TMEM273: variants seen among roughly 807,000 people sequenced by gnomAD.
TMEM273 encodes chromosome 10 open reading frame 128.
In TMEM273, 19 loss-of-function variants were observed where a neutral mutation model predicts 17.9. The ratio of observed to expected loss-of-function variants is 1.06; its 90% CI spans 0.74 to 1.55. The LOEUF (loss-of-function observed/expected upper bound fraction) is 1.55. TMEM273 is among the 40% of genes most tolerant of loss of function. The pLI, the probability that TMEM273 is intolerant of heterozygous loss-of-function variation, is 0.00. For missense variants in TMEM273, 194 were observed against 155.6 expected (o/e 1.25, Z -1.31); for synonymous variants, 66 against 62.0 (o/e 1.07, Z -0.31).
chr10:49,157,961 C>T (rs575129227), intron 6 of TMEM273, among the ~76,000 whole-genome samples: 2 of 152,218 alleles, frequency 1.3e-5, no homozygotes, highest in East Asian at 3.9e-4. Flanking sequence ...AGAATAAAAG[C>T]ATTCAACAAG....
Position 49,155,665 on chromosome 10 carries a change from A to T in TMEM273, c.*227T>A. 4.8e-6 allele frequency: 3 copies of T among 625,694 alleles called. No homozygotes were observed. Among genetic ancestry groups the T allele is most frequent in the Non-Finnish European group, 8.2e-6 (3 of 364,018 alleles). 38.8% of individuals were successfully genotyped at this position (625,694 alleles called of 1,614,324 possible). ...TCTTCCACTGCAGGCTAAATTGCTC[A>T]ATCCTTCCTCTGTGCAGTCCGTTTC... On this transcript the variant is annotated 3_prime_UTR_variant, in exon 7 of 7. Transcript: ENST00000374153.
chr10:49,170,275 G>A (rs1846472578), intron 1 of TMEM273, among the ~76,000 whole-genome samples: 2 of 152,164 alleles, frequency 1.3e-5, no homozygotes, highest in Non-Finnish European at 2.9e-5. Flanking sequence ...AAAGGCCCCA[G>A]CCCTGGCCTT....
At chr10:49,185,753 C>T (rs771065569) in intron 1 of TMEM273, among the ~76,000 whole-genome samples, 9 of 151,824 alleles carry the variant, frequency 5.9e-5, no homozygotes, top group African/African-American at 9.7e-5. Flanking sequence ...CCGAGGTGGG[C>T]GGAACACCTG....
intron 6 of TMEM273, among the ~76,000 whole-genome samples, chr10:49,159,490 G>T (rs1273701680): frequency 1.3e-5 from 2 of 152,080 alleles, no homozygotes; most frequent in African/African-American, 4.8e-5. Context: ...GGAAAAGCAG[G>T]GTTTTTACTT....
Position 49,181,869 on chromosome 10 carries a change from C to T in TMEM273, c.43+6425G>A, listed in dbSNP as rs980969393. On this transcript the variant is annotated intron_variant, in intron 1 of 6. Coordinates refer to ENST00000374153, the MANE Select transcript of TMEM273 (RefSeq NM_001288740.3). ...GCAATTAAAATTAAACATTTTTGTTCGTAAAAGACCCTGTTAAGAGAATGA... is the reference window on the plus strand; with the variant it reads ...GCAATTAAAATTAAACATTTTTGTTTGTAAAAGACCCTGTTAAGAGAATGA... 1.5e-3 allele frequency among the ~76,000 whole-genome samples: 225 copies of T among 152,090 alleles called. 1 individual carries two copies. The highest frequency in any genetic ancestry group is 4.1e-3 in the African/African-American group (168 of 41,468).
At chr10:49,168,444 T>C (rs1349728717) in intron 1 of TMEM273, among the ~76,000 whole-genome samples, 1 of 152,152 alleles carries the variant, frequency 6.6e-6, no homozygotes, top group Non-Finnish European at 1.5e-5. Flanking sequence ...GTGTGCTCCG[T>C]AGCCGTGGTG....
At chr10:49,182,951 G>T (rs1018990564) in intron 1 of TMEM273, among the ~76,000 whole-genome samples, 1 of 152,120 alleles carries the variant, frequency 6.6e-6, no homozygotes, top group African/African-American at 2.4e-5. Flanking sequence ...GGGCTATCAG[G>T]CAAACCCCAA....
At chr10:49,173,278 C>T (rs1846706740) in intron 1 of TMEM273, among the ~76,000 whole-genome samples, 1 of 152,224 alleles carries the variant, frequency 6.6e-6, no homozygotes, top group South Asian at 2.1e-4. Context: ...CGGTAACTGT[C>T]ATCTGCAAAC....
intron 1 of TMEM273, among the ~76,000 whole-genome samples, chr10:49,181,071 A>G (rs1432958622): frequency 2.0e-5 from 3 of 152,254 alleles, no homozygotes; most frequent in African/African-American, 4.8e-5. Flanking sequence ...ATACAATAAG[A>G]TTAACATATG....
At chr10:49,185,446 C>G (rs988164559) in intron 1 of TMEM273, among the ~76,000 whole-genome samples, 9 of 151,972 alleles carry the variant, frequency 5.9e-5, no homozygotes, top group African/African-American at 1.9e-4. Flanking sequence ...GGGTGACTGG[C>G]CTGGTCACCC....
intron 1 of TMEM273, 32 bp from the exon 2 acceptor site, chr10:49,167,994 GA>G: frequency 1.2e-6 from 2 of 1,613,422 alleles, no homozygotes; most frequent in Non-Finnish European, 1.7e-6. Flanking sequence ...AGCCTGGTTA[GA>G]ACAGAGCTGG....
intron 1 of TMEM273, among the ~76,000 whole-genome samples, chr10:49,173,509 G>C (rs1249986038): frequency 6.6e-6 from 1 of 152,184 alleles, no homozygotes; most frequent in Non-Finnish European, 1.5e-5. Flanking sequence ...TGTGGAAAGT[G>C]CTTATTTATC....
intron 6 of TMEM273, chr10:49,160,919 G>T (rs1039956292): frequency 9.2e-5 from 14 of 152,168 alleles, no homozygotes; most frequent in African/African-American, 3.4e-4. Flanking sequence ...TCAAGAGATT[G>T]CCCCAGGCCT....
chr10:49,178,090 A>G lies in TMEM273; in HGVS notation c.44-10128T>C, dbSNP rs542210889. 3.6e-4 allele frequency: 152 copies of G among 427,538 alleles called. 1 individual carries two copies. Among genetic ancestry groups the G allele is most frequent in the South Asian group, 2.5e-3 (148 of 59,728 alleles). 26.5% of individuals were successfully genotyped at this position (427,538 alleles called of 1,614,324 possible). A position where few individuals can be genotyped will look rare whatever the true frequency, so the allele number is the denominator to read the frequency against. ...CCAACCCATCTGGGGCACTGCAGCCAGGCACTCTTCCTGTAAGGCTGTTTA... is the reference window on the plus strand; with the variant it reads ...CCAACCCATCTGGGGCACTGCAGCCGGGCACTCTTCCTGTAAGGCTGTTTA... On this transcript the variant is annotated intron_variant, in intron 1 of 6. Transcript: ENST00000374153.
chr10:49,165,404 C>G, intron 4 of TMEM273, 121 bp from the exon 5 acceptor site: 2 of 1,520,870 alleles, frequency 1.3e-6, no homozygotes, highest in Non-Finnish European at 8.8e-7. Context: ...CAGGGAAGCC[C>G]AGAAACCTGG....
At chr10:49,162,161 C>G (rs1845883920) in intron 5 of TMEM273, among the ~76,000 whole-genome samples, 1 of 152,146 alleles carries the variant, frequency 6.6e-6, no homozygotes. Flanking sequence ...GATGATCATG[C>G]ATAAGAACAT....
Position 49,178,409 on chromosome 10 carries a change from CT to C in TMEM273, c.43+9884del, listed in dbSNP as rs1564642807. ...GGCCCAGCAAGACCAGATCTCTCCC[CT>C]GACGGTGGTGACAGTACAGAGGGGA... On this transcript the variant is annotated intron_variant, in intron 1 of 6. Coordinates refer to ENST00000374153, the MANE Select transcript of TMEM273 (RefSeq NM_001288740.3). 7 of 418,542 alleles carry C rather than the reference CT, an allele frequency of 1.7e-5. No homozygotes were observed. In the East Asian group the frequency reaches 4.3e-4, roughly 25 times the overall value. 25.9% of individuals were successfully genotyped at this position (418,542 alleles called of 1,614,324 possible).
intron 6 of TMEM273, among the ~76,000 whole-genome samples, chr10:49,157,740 T>C (rs1346920625): frequency 6.6e-6 from 1 of 152,246 alleles, no homozygotes; most frequent in African/African-American, 2.4e-5. Flanking sequence ...TGTTACTTGA[T>C]GGACACCACT....
At chr10:49,165,088 A>G in intron 5 of TMEM273, 117 bp downstream of exon 5, 1 of 1,390,890 alleles carries the variant, frequency 7.2e-7, no homozygotes. Flanking sequence ...AAAAAAACCC[A>G]TGCAAAATAG....
Sources: gnomAD v4.1 joint callset for allele counts (sites outside exome capture counted in the v4.1 genomes callset) on GRCh38, gnomAD v4.1.1 for gene constraint, MANE v1.5 for transcripts, NCBI Gene and HGNC (gene_info 2026-07-23, HGNC 2026-07-21) for gene names.